Variants in BCAS3 observed in about 807,000 individuals in gnomAD.
BCAS3 encodes BCAS4/BCAS3 fusion.
A neutral mutation model predicts 116.1 loss-of-function variants in BCAS3; 53 were observed. The observed-to-expected ratio is 0.46, with a 90% CI of 0.37 to 0.57. The LOEUF (loss-of-function observed/expected upper bound fraction) is 0.57, where lower values mean the gene tolerates loss of function less well. BCAS3 is among the 20% of genes least tolerant of loss of function. BCAS3 has a pLI of 0.00. For missense variants in BCAS3, 917 were observed against 1,165.4 expected (o/e 0.79, Z 3.10); for synonymous variants, 391 against 408.2 (o/e 0.96, Z 0.51).
rs1168646384 is a variant in BCAS3, at chr17:61,316,085, A to C, written c.2426-52242A>C. ...TTTGGGAAGTCGAGGCAGGTGGATC[A>C]CCTGAGGTCAGGAGTTCGAAACCAG... On this transcript the variant is annotated intron_variant, in intron 22 of 23. Transcript: ENST00000407086. This position sits in a 1 kb window ranked among gnomAD's most constrained non-coding sequence, Gnocchi z 5.8. 6.6e-6 allele frequency among the ~76,000 whole-genome samples: 1 copy of C among 152,092 alleles called. No homozygotes were observed. The highest frequency in any genetic ancestry group is 2.4e-5 in the African/African-American group (1 of 41,408).
rs1568447937 is a variant in BCAS3, at chr17:61,145,894, G to C, written c.2425+61330G>C. Among the ~76,000 whole-genome samples the C allele has an allele frequency of 6.6e-6, 1 of 151,362 alleles. No individual in the cohort carries two copies. The highest frequency in any genetic ancestry group is 1.5e-5 in the Non-Finnish European group (1 of 67,910). On this transcript the variant is annotated intron_variant, in intron 22 of 23. Transcript: ENST00000407086. This position sits in a 1 kb window ranked among gnomAD's most constrained non-coding sequence, Gnocchi z 5.0. The stretch of plus-strand genomic sequence containing the variant: ...TTCTTCCCTCACAAATTTCAACCCA[G>C]GCCACTTGTTTGCAGAGACTGCCAA...
chr17:61,345,316 G>A (rs1049569076), intron 22 of BCAS3, among the ~76,000 whole-genome samples: 9 of 152,180 alleles, frequency 5.9e-5, no homozygotes, highest in African/African-American at 7.2e-5. Context: ...TGTCACTCCC[G>A]CCCTGGGTCA....
At position 61,139,067 on chromosome 17, in the gene BCAS3, T is replaced by A. The variant is rs975563185; in HGVS notation, c.2425+54503T>A. Among the ~76,000 whole-genome samples, 23 of 152,182 alleles carry A rather than the reference T, an allele frequency of 1.5e-4. No homozygotes were observed. The highest frequency in any genetic ancestry group is 5.5e-4 in the African/African-American group (23 of 41,462). ...TTAAATCTATTAGATCTAGAAAAAA[T>A]TAGAGACAGAGATGAATTTTTTATT... is the stretch of plus-strand genomic sequence containing the variant. On this transcript the variant is annotated intron_variant, in intron 22 of 23. Transcript: ENST00000407086. The surrounding 1 kb of genome is among the most constrained non-coding windows in gnomAD (Gnocchi z 4.7).
chr17:60,851,589 T>TGAAACGAG, intron 7 of BCAS3: 1 of 632,974 alleles, frequency 1.6e-6, no homozygotes. Context: ...GGTTAAAGCT[T>TGAAACGAG]GAAACGAGGA....
intron 14 of BCAS3, among the ~76,000 whole-genome samples, chr17:60,976,051 T>C: frequency 6.8e-6 from 1 of 147,044 alleles, no homozygotes; most frequent in Non-Finnish European, 1.5e-5. Context: ...CTTTTTGAGA[T>C]GGAGTCTTGC....
At chr17:60,949,086 AG>A (rs2060688931) in intron 14 of BCAS3, among the ~76,000 whole-genome samples, 3 of 152,048 alleles carry the variant, frequency 2.0e-5, no homozygotes, top group Admixed American at 2.0e-4. Flanking sequence ...CATGTTGGCC[AG>A]GCTGGTCTTG....
intron 8 of BCAS3, among the ~76,000 whole-genome samples, chr17:60,871,125 T>C (rs930457835): frequency 1.3e-5 from 2 of 152,208 alleles, no homozygotes; most frequent in Non-Finnish European, 2.9e-5. Flanking sequence ...GACTGTAGGT[T>C]ATCTGGTGAT....
Position 61,007,591 on chromosome 17 carries a change from C to A in BCAS3, c.1487-8160C>A, listed in dbSNP as rs1411279415. ...TACAGTTTCAATTCTCCTGAAAGTACACTTTTAATTCTAGTGACATTTAAT... is the reference window on the plus strand; with the variant it reads ...TACAGTTTCAATTCTCCTGAAAGTAAACTTTTAATTCTAGTGACATTTAAT... On this transcript the variant is annotated intron_variant, in intron 15 of 23. Coordinates refer to ENST00000407086, the MANE Select transcript of BCAS3 (RefSeq NM_017679.5). The surrounding 1 kb of genome is among the most constrained non-coding windows in gnomAD (Gnocchi z 4.3). Among the ~76,000 whole-genome samples the A allele has an allele frequency of 6.6e-6, 1 of 151,838 alleles. No individual in the cohort carries two copies. The highest frequency in any genetic ancestry group is 2.4e-5 in the African/African-American group (1 of 41,320).
chr17:60,969,400 C>T (rs1388866877), intron 14 of BCAS3, among the ~76,000 whole-genome samples: 1 of 152,020 alleles, frequency 6.6e-6, no homozygotes, highest in Non-Finnish European at 1.5e-5. Flanking sequence ...GAAAAGTCTA[C>T]AACTTAAAAA....
rs949559891 is a variant in BCAS3, at chr17:61,349,840, C to T, written c.2426-18487C>T. ...GGAGTGATTTTGTACATAAGGCCTT[C>T]GTCTCTACCAAAGGTATTAGCATAG... On this transcript the variant is annotated intron_variant, in intron 22 of 23. Transcript: ENST00000407086. The surrounding 1 kb of genome is among the most constrained non-coding windows in gnomAD (Gnocchi z 4.7). Among the ~76,000 whole-genome samples, 4 of 152,186 alleles carry T rather than the reference C, an allele frequency of 2.6e-5. No individual in the cohort carries two copies. Among genetic ancestry groups the T allele is most frequent in the Non-Finnish European group, 4.4e-5 (3 of 68,044 alleles).
At position 61,088,901 on chromosome 17, in the gene BCAS3, T is replaced by G. The variant is rs74918111; in HGVS notation, c.2425+4337T>G. Reference sequence around the variant, plus strand: ...TGGAAGCAGTGTTTGTGTACATGCCTGAGGAAGTGTGGTGGAAGCAGTGTT... The same window carrying G: ...TGGAAGCAGTGTTTGTGTACATGCCGGAGGAAGTGTGGTGGAAGCAGTGTT... On this transcript the variant is annotated intron_variant, in intron 22 of 23. Transcript: ENST00000407086. This position sits in a 1 kb window ranked among gnomAD's most constrained non-coding sequence, Gnocchi z 4.2. Among the ~76,000 whole-genome samples, 3,385 of 152,224 alleles carry G rather than the reference T, an allele frequency of 0.022. 296 individuals carry two copies. In the East Asian group the frequency reaches 0.29, roughly 13 times the overall value.
intron 13 of BCAS3, among the ~76,000 whole-genome samples, chr17:60,940,405 T>C (rs1245525197): frequency 6.6e-6 from 1 of 152,226 alleles, no homozygotes; most frequent in Non-Finnish European, 1.5e-5. Context: ...TTAAAAAATA[T>C]GCTGCTGTAA....
chr17:61,269,693 C>G (rs2050069330), intron 22 of BCAS3, among the ~76,000 whole-genome samples: 1 of 152,084 alleles, frequency 6.6e-6, no homozygotes, highest in African/African-American at 2.4e-5. Context: ...ATTTGCATTT[C>G]TCTGATGATA....
In BCAS3 at chr17:61,130,620, A is replaced by G. The variant is rs1440038697; in HGVS notation, c.2425+46056A>G. On this transcript the variant is annotated intron_variant, in intron 22 of 23. Coordinates refer to ENST00000407086, the MANE Select transcript of BCAS3 (RefSeq NM_017679.5). The surrounding 1 kb of genome is among the most constrained non-coding windows in gnomAD (Gnocchi z 5.0). ...ATCCCATTTTACACCAGGAAGTTCA[A>G]ATGTTTGAATGGAGATTTAAAAAGT... 1 of 152,220 alleles carries G rather than the reference A, an allele frequency of 6.6e-6. No individual in the cohort carries two copies. Among genetic ancestry groups the G allele is most frequent in the African/African-American group, 2.4e-5 (1 of 41,444 alleles). 9.4% of individuals were successfully genotyped at this position (152,220 alleles called of 1,614,324 possible). A position where few individuals can be genotyped will look rare whatever the true frequency, so the allele number is the denominator to read the frequency against.
chr17:61,194,423 C>T (rs2080349443), intron 22 of BCAS3, among the ~76,000 whole-genome samples: 1 of 152,102 alleles, frequency 6.6e-6, no homozygotes, highest in Admixed American at 6.5e-5. Context: ...TTCTAGCCCT[C>T]AAGCTTGTGA....
intron 14 of BCAS3, among the ~76,000 whole-genome samples, chr17:60,963,757 G>C (rs1407082097): frequency 1.3e-5 from 2 of 151,856 alleles, no homozygotes; most frequent in Non-Finnish European, 2.9e-5. Flanking sequence ...GGCTTTCACT[G>C]TGTTAGCCAG....
intron 22 of BCAS3, among the ~76,000 whole-genome samples, chr17:61,096,320 A>G (rs182518150): frequency 6.6e-6 from 1 of 152,294 alleles, no homozygotes; most frequent in Non-Finnish European, 1.5e-5. Flanking sequence ...CAGCATATAG[A>G]GTAAAATACT....
At chr17:61,111,527 G>A (rs1453544434) in intron 22 of BCAS3, among the ~76,000 whole-genome samples, 3 of 151,690 alleles carry the variant, frequency 2.0e-5, no homozygotes, top group African/African-American at 7.3e-5. Context: ...GAGAAGGGAA[G>A]TTTAGAGAAA....
chr17:61,031,964 G>A (rs2066673762), intron 16 of BCAS3, among the ~76,000 whole-genome samples: 1 of 152,108 alleles, frequency 6.6e-6, no homozygotes, highest in Non-Finnish European at 1.5e-5. Flanking sequence ...AAACAGAATT[G>A]TATGTAACTT....
Sources: gnomAD v4.1 joint callset for allele counts (sites outside exome capture counted in the v4.1 genomes callset) on GRCh38, gnomAD v4.1.1 for gene constraint, Gnocchi (gnomAD v3.1) non-coding constraint, MANE v1.5 for transcripts, NCBI Gene and HGNC (gene_info 2026-07-23, HGNC 2026-07-21) for gene names.